Variants in ABI3BP observed in about 807,000 individuals in gnomAD.
The protein encoded by ABI3BP is ABI family member 3 binding protein.
In ABI3BP, 216 loss-of-function variants were observed where a neutral mutation model predicts 268.6. That is an observed-to-expected ratio of 0.80 (90% confidence interval 0.72 to 0.90). The LOEUF (loss-of-function observed/expected upper bound fraction) is 0.90, where lower values mean the gene tolerates loss of function less well. Ranked by LOEUF, ABI3BP falls within the 40% of genes least tolerant of loss-of-function variation. The pLI is 0.00. For missense variants in ABI3BP, 2,090 were observed against 2,182.4 expected (o/e 0.96, Z 0.84); for synonymous variants, 730 against 730.0 (o/e 1.00, Z 0.00).
intron 1 of ABI3BP, among the ~76,000 whole-genome samples, chr3:100,957,651 G>A (rs556053790): frequency 6.6e-6 from 1 of 152,272 alleles, no homozygotes; most frequent in African/African-American, 2.4e-5. Context: ...GAATGAATCA[G>A]CAAAGGAGAC....
At chr3:100,767,390 A>G (rs1320129636) in intron 62 of ABI3BP, among the ~76,000 whole-genome samples, 3 of 152,222 alleles carry the variant, frequency 2.0e-5, no homozygotes, top group African/African-American at 7.2e-5. Context: ...CAGCTATTAA[A>G]GTACTGATGA....
chr3:100,818,167 G>A (rs1451466054), intron 41 of ABI3BP, among the ~76,000 whole-genome samples: 3 of 152,118 alleles, frequency 2.0e-5, no homozygotes, highest in Non-Finnish European at 2.9e-5. Context: ...AAAATAATAT[G>A]AGCAAAGAAA....
chr3:100,838,470 G>GA lies in ABI3BP; in HGVS notation c.1946-7dup. 1 of 1,534,842 alleles carries GA rather than the reference G, an allele frequency of 6.5e-7. No individual in the cohort carries two copies. The highest frequency in any genetic ancestry group is 8.7e-7 in the Non-Finnish European group (1 of 1,145,952). ...TCTCTCAGATGGTTTTGAGGCTAAA[G>GA]AAAAAGGTATTAAAATTACCACAAT... On this transcript the variant is annotated splice_polypyrimidine_tract_variant and splice_region_variant and intron_variant, in intron 24 of 67. Transcript: ENST00000471714.
intron 63 of ABI3BP, among the ~76,000 whole-genome samples, chr3:100,759,337 A>C (rs1461882414): frequency 6.6e-6 from 1 of 152,196 alleles, no homozygotes; most frequent in Non-Finnish European, 1.5e-5. Context: ...GGTAAGCTTG[A>C]CTGCAAGGAC....
chr3:100,890,167 G>T (rs1453793821), intron 4 of ABI3BP, among the ~76,000 whole-genome samples: 1 of 151,908 alleles, frequency 6.6e-6, no homozygotes, highest in Admixed American at 6.6e-5. Context: ...CTGTCTTTTG[G>T]GTTTTCCATA....
intron 34 of ABI3BP, among the ~76,000 whole-genome samples, chr3:100,827,374 A>G (rs1033715706): frequency 2.0e-5 from 3 of 152,076 alleles, no homozygotes; most frequent in South Asian, 4.1e-4. Context: ...ATGTGAGTCT[A>G]TTATTTCTAT....
intron 1 of ABI3BP, among the ~76,000 whole-genome samples, chr3:100,972,837 A>G (rs1380090106): frequency 6.6e-6 from 1 of 152,186 alleles, no homozygotes. Flanking sequence ...CTACTAATTA[A>G]CATTGGTTTT....
intron 51 of ABI3BP, among the ~76,000 whole-genome samples, chr3:100,799,181 T>C (rs893383110): frequency 6.6e-6 from 1 of 152,130 alleles, no homozygotes; most frequent in African/African-American, 2.4e-5. Context: ...CTTGCTCTCA[T>C]TCCTTTAATA....
Position 100,838,383 on chromosome 3 carries a change from C to G in ABI3BP, c.2008+19G>C. ...TTGTTTTCCTATTTATAGATCAAGG[C>G]ATTGAAAGTAATGATTACCAGGCTG... On this transcript the variant is annotated intron_variant, in intron 25 of 67. Coordinates refer to ENST00000471714, the MANE Select transcript of ABI3BP (RefSeq NM_001375547.2). The G allele has an allele frequency of 6.5e-7, 1 of 1,533,906 alleles. No homozygotes were observed.
rs934002849 is a variant in ABI3BP, at chr3:100,793,415, G to C, written c.3947-647C>G. On this transcript the variant is annotated intron_variant, in intron 54 of 67. Coordinates refer to ENST00000471714, the MANE Select transcript of ABI3BP (RefSeq NM_001375547.2). ...ATAAATGATACACTGCTATCTTTTTGTTTTCTGTCCTGCTTTTGTATTCTC... is the reference window on the plus strand; with the variant it reads ...ATAAATGATACACTGCTATCTTTTTCTTTTCTGTCCTGCTTTTGTATTCTC... 4.0e-5 allele frequency among the ~76,000 whole-genome samples: 6 copies of C among 151,828 alleles called. No homozygotes were observed. The South Asian group carries it at 1.0e-3, about 26-fold the overall frequency.
At chr3:100,770,004 C>G (rs1050890087) in intron 62 of ABI3BP, among the ~76,000 whole-genome samples, 2 of 152,330 alleles carry the variant, frequency 1.3e-5, no homozygotes, top group Non-Finnish European at 2.9e-5. Flanking sequence ...CACTGCTCCT[C>G]TCCCTTCCTG....
At chr3:100,804,658 A>T in intron 51 of ABI3BP, 134 bp downstream of exon 51, 1 of 775,542 alleles carries the variant, frequency 1.3e-6, no homozygotes, top group Non-Finnish European at 2.1e-6. Flanking sequence ...TGAAATTATC[A>T]TACCACATAT....
intron 11 of ABI3BP, 35 bp downstream of exon 11, chr3:100,864,798 G>A: frequency 6.8e-7 from 1 of 1,481,424 alleles, no homozygotes; most frequent in South Asian, 1.3e-5. Flanking sequence ...TGTTACTTTT[G>A]TTTTTTTAGA....
At chr3:100,942,786 T>G (rs114641464) in intron 1 of ABI3BP, among the ~76,000 whole-genome samples, 275 of 152,236 alleles carry the variant, frequency 1.8e-3, no homozygotes, top group African/African-American at 6.4e-3. Context: ...GCAATCTGTA[T>G]TTCGACAAGC....
intron 1 of ABI3BP, among the ~76,000 whole-genome samples, chr3:100,990,285 C>G (rs563345378): frequency 6.6e-6 from 1 of 152,266 alleles, no homozygotes; most frequent in South Asian, 2.1e-4. Context: ...ATGTGCCAGA[C>G]TTGTGTCTCT....
intron 34 of ABI3BP, among the ~76,000 whole-genome samples, chr3:100,827,822 C>T (rs1467491571): frequency 2.0e-5 from 3 of 151,910 alleles, no homozygotes; most frequent in Admixed American, 1.3e-4. Context: ...TATAAATCAT[C>T]CAGATTATGA....
chr3:100,880,240 G>T (rs1023211452), intron 6 of ABI3BP, among the ~76,000 whole-genome samples: 4 of 152,100 alleles, frequency 2.6e-5, no homozygotes, highest in Non-Finnish European at 5.9e-5. Flanking sequence ...GTTTTGGCTG[G>T]TGTGGCCTCA....
At chr3:100,952,178 T>A (rs2075311007) in intron 1 of ABI3BP, among the ~76,000 whole-genome samples, 1 of 152,158 alleles carries the variant, frequency 6.6e-6, no homozygotes, top group Non-Finnish European at 1.5e-5. Flanking sequence ...GATCAACTCA[T>A]CTCAAGAAAC....
chr3:100,799,034 T>C (rs574726135), intron 51 of ABI3BP, among the ~76,000 whole-genome samples: 2 of 152,218 alleles, frequency 1.3e-5, no homozygotes, highest in South Asian at 4.1e-4. Flanking sequence ...TTATTTCTGT[T>C]ATATTTTTCT....
Sources: gnomAD v4.1 joint callset for allele counts (sites outside exome capture counted in the v4.1 genomes callset) on GRCh38, gnomAD v4.1.1 for gene constraint, MANE v1.5 for transcripts, NCBI Gene and HGNC (gene_info 2026-07-23, HGNC 2026-07-21) for gene names.